The following COPE variants were observed in gnomAD, a reference collection of about 807,000 sequenced individuals.
COPE encodes the protein coatomer subunit epsilon.
In COPE, 19 loss-of-function variants were observed where a neutral mutation model predicts 42.1. The observed-to-expected ratio is 0.45, with a 90% CI of 0.31 to 0.66. The LOEUF is 0.66. Ranked by LOEUF, COPE falls within the 30% of genes least tolerant of loss-of-function variation. The pLI, the probability that COPE is intolerant of heterozygous loss-of-function variation, is 0.05. For missense variants in COPE, 402 were observed against 416.1 expected, an observed-to-expected ratio of 0.97 and a Z score of 0.30; for synonymous variants, 195 against 181.3, an observed-to-expected ratio of 1.08 and a Z score of -0.60.
At chr19:18,915,456 G>A (rs1322473979) in intron 1 of COPE, among the ~76,000 whole-genome samples, 2 of 152,240 alleles carry the variant, frequency 1.3e-5, no homozygotes, top group African/African-American at 4.8e-5. Flanking sequence ...TGGAACCGTT[G>A]TGGTTTTCCT....
intron 1 of COPE, among the ~76,000 whole-genome samples, chr19:18,916,235 C>T (rs922117984): frequency 3.3e-5 from 5 of 152,086 alleles, no homozygotes; most frequent in African/African-American, 1.2e-4. Context: ...CACCTGTAAT[C>T]CCAGCTACTC....
At chr19:18,914,708 G>A (rs941323165) in intron 1 of COPE, among the ~76,000 whole-genome samples, 8 of 151,180 alleles carry the variant, frequency 5.3e-5, no homozygotes, top group African/African-American at 1.2e-4. Flanking sequence ...CACTGCTTGA[G>A]CCCAGGAGTT....
At chr19:18,911,381 C>G in intron 2 of COPE, 1 of 374,700 alleles carries the variant, frequency 2.7e-6, no homozygotes, top group Non-Finnish European at 5.1e-6. Flanking sequence ...CACCTGGGGG[C>G]AGGGCAGCAG....
intron 4 of COPE, 23 bp downstream of exon 4, chr19:18,906,937 C>T (rs375728195): frequency 1.9e-6 from 3 of 1,545,488 alleles, no homozygotes; most frequent in Admixed American, 3.9e-5. Context: ...CTGGGCTGGC[C>T]CCAGAGCAGG....
At chr19:18,901,663 G>A (rs912776225) in intron 7 of COPE, among the ~76,000 whole-genome samples, 5 of 152,222 alleles carry the variant, frequency 3.3e-5, no homozygotes, top group East Asian at 1.9e-4. Flanking sequence ...GCGCACTGGC[G>A]CATGTCTATC....
At chr19:18,911,786 T>C (rs1386111451) in intron 2 of COPE, among the ~76,000 whole-genome samples, 2 of 151,756 alleles carry the variant, frequency 1.3e-5, no homozygotes, top group South Asian at 2.1e-4. Context: ...TCTCCTGACC[T>C]TGTGATCCAC....
At chr19:18,906,867 A>G (rs1372236082) in intron 4 of COPE, 93 bp downstream of exon 4, 1 of 1,396,758 alleles carries the variant, frequency 7.2e-7, no homozygotes. Flanking sequence ...CTCTGCTCCC[A>G]TGACGACAGC....
At chr19:18,907,561 C>A (rs577525279) in intron 3 of COPE, among the ~76,000 whole-genome samples, 1 of 152,186 alleles carries the variant, frequency 6.6e-6, no homozygotes, top group Non-Finnish European at 1.5e-5. Context: ...CAGCTGCCCT[C>A]AGTCCCTGAG....
At chr19:18,917,503 G>C (rs906787784) in intron 1 of COPE, among the ~76,000 whole-genome samples, 2 of 151,844 alleles carry the variant, frequency 1.3e-5, no homozygotes, top group Non-Finnish European at 2.9e-5. Flanking sequence ...CAAGTAGCTG[G>C]GATTAAGGTG....
Position 18,900,399 on chromosome 19 carries a change from G to A in COPE, c.786C>T (p.His262=). The change falls in exon 8 of 10, where the codon CAC becomes CAT. Residue 262 remains histidine, a synonymous_variant. Coordinates refer to ENST00000262812, the MANE Select transcript of COPE (RefSeq NM_007263.4). ...CGCTTACCTCAGGGGGCTTGCCCAG[G>A]TGCTGGGACAGGACGATGAGGTTGA... ...TLVNLIVLSQ[H]LGKPPEVTNR... The A allele has an allele frequency of 6.5e-7, 1 of 1,549,268 alleles. No homozygotes were observed.
chr19:18,902,179 CAA>C lies in COPE; in HGVS notation c.735+1087_735+1088del, dbSNP rs34747007. Among the ~76,000 whole-genome samples, 461 of 108,110 alleles carry C rather than the reference CAA, an allele frequency of 4.3e-3. 2 individuals carry two copies. Among genetic ancestry groups the C allele is most frequent in the Non-Finnish European group, 5.6e-3 (309 of 55,426 alleles). The allele number at this position is 108,110 out of a possible 152,430, so 70.9% of individuals were successfully genotyped here. On this transcript the variant is annotated intron_variant, in intron 7 of 9. Coordinates refer to ENST00000262812, the MANE Select transcript of COPE (RefSeq NM_007263.4). Reference sequence around the variant, plus strand: ...TGGGCGACAGAGCAAGACTCCATCTCAAAAAAAAAAAAAAAAAAAATCCACCA... The same window carrying C: ...TGGGCGACAGAGCAAGACTCCATCTCAAAAAAAAAAAAAAAAAATCCACCA...
intron 1 of COPE, 90 bp downstream of exon 1, chr19:18,919,133 A>T (rs2078502009): frequency 7.0e-7 from 1 of 1,428,812 alleles, no homozygotes; most frequent in African/African-American, 1.4e-5. Flanking sequence ...AGAAAAGAGA[A>T]AGTTTTTAGA....
At position 18,900,370 on chromosome 19, in the gene COPE, G is replaced by A; in HGVS notation, c.804+11C>T. On this transcript the variant is annotated intron_variant, in intron 8 of 9. Coordinates refer to ENST00000262812, the MANE Select transcript of COPE (RefSeq NM_007263.4). The stretch of plus-strand genomic sequence containing the variant: ...CATTAGGGTTGGCCTGGAGCCCTGG[G>A]GGCCGCTTACCTCAGGGGGCTTGCC... The A allele has an allele frequency of 1.3e-6, 2 of 1,546,376 alleles. No individual in the cohort carries two copies. The highest frequency in any genetic ancestry group is 1.7e-6 in the Non-Finnish European group (2 of 1,144,140).
In COPE at chr19:18,919,359, T is replaced by C. The variant is rs1350046358; in HGVS notation, c.-11A>G. ...GGCCGGAGGCGCCATTTCGCTGTCT[T>C]CTCACCAGCTCCTCTTCCTGAAAGA... On this transcript the variant is annotated 5_prime_UTR_variant, in exon 1 of 10. Transcript: ENST00000262812. 6.2e-7 allele frequency: 1 copy of C among 1,611,966 alleles called. No homozygotes were observed. The highest frequency in any genetic ancestry group is 8.5e-7 in the Non-Finnish European group (1 of 1,179,182).
At chr19:18,900,556 G>C (rs1045045686) in intron 7 of COPE, 107 bp from the exon 8 acceptor site, 3 of 845,808 alleles carry the variant, frequency 3.5e-6, no homozygotes, top group Non-Finnish European at 5.6e-6. Flanking sequence ...CTCCTCAGAG[G>C]TGGGGTGGGA....
intron 7 of COPE, 102 bp from the exon 8 acceptor site, chr19:18,900,551 C>G (rs1312495587): frequency 5.8e-5 from 51 of 876,622 alleles, no homozygotes; most frequent in Non-Finnish European, 8.4e-5. Flanking sequence ...GTCACCTCCT[C>G]AGAGGTGGGG....
chr19:18,918,236 T>C (rs1258661468), intron 1 of COPE, among the ~76,000 whole-genome samples: 1 of 144,916 alleles, frequency 6.9e-6, no homozygotes, highest in Non-Finnish European at 1.5e-5. Flanking sequence ...GAAAGATGTA[T>C]GGGAACAGAC....
chr19:18,910,888 T>C, intron 3 of COPE, 83 bp downstream of exon 3: 5 of 1,229,000 alleles, frequency 4.1e-6, no homozygotes, highest in South Asian at 2.4e-5. Flanking sequence ...CTGCACGCCA[T>C]GCCCCCACCC....
At chr19:18,913,821 G>C (rs1038167969) in intron 1 of COPE, among the ~76,000 whole-genome samples, 1 of 152,330 alleles carries the variant, frequency 6.6e-6, no homozygotes, top group African/African-American at 2.4e-5. Context: ...AGGGGACTGA[G>C]AAGGCTGTCA....
Sources: gnomAD v4.1 joint callset for allele counts (sites outside exome capture counted in the v4.1 genomes callset) on GRCh38, gnomAD v4.1.1 for gene constraint, MANE v1.5 for transcripts, NCBI Gene and HGNC (gene_info 2026-07-23, HGNC 2026-07-21) for gene names.